The following SBF2 variants were observed in gnomAD, a reference collection of about 807,000 sequenced individuals.
The protein encoded by SBF2 is myotubularin-related protein 13.
In SBF2, 112 loss-of-function variants were observed where a neutral mutation model predicts 225.2. The observed-to-expected ratio is 0.50, with a 90% CI of 0.43 to 0.58. SBF2 has a LOEUF of 0.58. Ranked by LOEUF, SBF2 falls within the 20% of genes least tolerant of loss-of-function variation. The pLI is 0.00. For synonymous variants in SBF2, 763 were observed against 773.3 expected (o/e 0.99, Z 0.22); for missense variants, 1,996 against 2,206.2 (o/e 0.90, Z 1.91).
At chr11:10,100,326 T>G (rs1193685072) in intron 2 of SBF2, among the ~76,000 whole-genome samples, 1 of 152,176 alleles carries the variant, frequency 6.6e-6, no homozygotes, top group African/African-American at 2.4e-5. Context: ...AGTTACAAAT[T>G]TGGAGGCTCG....
intron 6 of SBF2, among the ~76,000 whole-genome samples, chr11:10,018,951 C>T (rs201159766): frequency 6.6e-6 from 1 of 152,094 alleles, no homozygotes; most frequent in African/African-American, 2.4e-5. Flanking sequence ...GCTAAATATG[C>T]TTCTTCTTCT....
chr11:10,055,241 T>G (rs1012706966), intron 2 of SBF2, among the ~76,000 whole-genome samples: 1 of 152,060 alleles, frequency 6.6e-6, no homozygotes, highest in Non-Finnish European at 1.5e-5. Flanking sequence ...ACAAAAGATG[T>G]TGGCATGGAT....
intron 1 of SBF2, among the ~76,000 whole-genome samples, chr11:10,232,439 A>C (rs1241888168): frequency 1.3e-5 from 2 of 152,188 alleles, no homozygotes; most frequent in Non-Finnish European, 2.9e-5. Flanking sequence ...CTATTCGGCC[A>C]TCTTGGCTCC....
intron 17 of SBF2, among the ~76,000 whole-genome samples, chr11:9,871,784 C>T (rs1000336924): frequency 1.2e-4 from 18 of 152,050 alleles, no homozygotes; most frequent in African/African-American, 4.1e-4. Flanking sequence ...AGCCACCGTG[C>T]CCGGCCAGGA....
chr11:10,116,797 C>T (rs1309212858), intron 2 of SBF2, among the ~76,000 whole-genome samples: 1 of 152,202 alleles, frequency 6.6e-6, no homozygotes, highest in East Asian at 1.9e-4. Flanking sequence ...AAAAACCCTG[C>T]CTAGCCTTCA....
At chr11:10,121,664 T>C (rs1245704088) in intron 2 of SBF2, among the ~76,000 whole-genome samples, 2 of 152,250 alleles carry the variant, frequency 1.3e-5, no homozygotes, top group East Asian at 3.8e-4. Flanking sequence ...AAATATGCTT[T>C]TGTACAAGCC....
chr11:10,290,412 C>G (rs1057470196), intron 1 of SBF2, among the ~76,000 whole-genome samples: 3 of 152,024 alleles, frequency 2.0e-5, no homozygotes, highest in Non-Finnish European at 2.9e-5. Context: ...GTGTCAGAGT[C>G]TGAGTGGGGT....
chr11:10,028,424 G>A (rs747425904), intron 6 of SBF2, 28 bp downstream of exon 6: 1 of 1,329,348 alleles, frequency 7.5e-7, no homozygotes, highest in South Asian at 1.2e-5. Flanking sequence ...TCTACAAGAT[G>A]ACATTGAAAA....
intron 2 of SBF2, among the ~76,000 whole-genome samples, chr11:10,103,378 T>A (rs1040591743): frequency 6.6e-6 from 1 of 152,194 alleles, no homozygotes; most frequent in Non-Finnish European, 1.5e-5. Context: ...AAATATGAAA[T>A]GGTGTTTGGC....
intron 30 of SBF2, 141 bp from the exon 31 acceptor site, chr11:9,809,143 C>T: frequency 1.6e-6 from 1 of 639,150 alleles, no homozygotes; most frequent in Non-Finnish European, 2.9e-6. Context: ...GTTTTAAATA[C>T]CTAAAGTTCT....
chr11:10,077,221 T>C (rs924447246), intron 2 of SBF2, among the ~76,000 whole-genome samples: 3 of 152,180 alleles, frequency 2.0e-5, no homozygotes, highest in African/African-American at 7.2e-5. Context: ...AAAATGGCCA[T>C]ACGGCTCAAA....
chr11:9,788,126 G>C (rs558677436), intron 35 of SBF2, among the ~76,000 whole-genome samples: 53 of 152,310 alleles, frequency 3.5e-4, no homozygotes, highest in African/African-American at 1.3e-3. Context: ...GCCAGTCCTT[G>C]ACAGGAGGAA....
rs1280211892 is a variant in SBF2 at position 10,028,506 on chromosome 11, G to A, written c.565C>T (p.His189Tyr). ...GDRQLIQTPL[H>Y]DSLPITGTSV... ...GTGCCCGTGATAGGAAGACTATCAT[G>A]TAAAGGAGTCTGGATCAACTGTCTA... Residue 189 changes from histidine (H) to tyrosine (Y), a missense_variant, in exon 6 of 40, where the codon CAT (histidine) becomes TAT (tyrosine). Coordinates refer to ENST00000256190, the MANE Select transcript of SBF2 (RefSeq NM_030962.4). 6.2e-7 allele frequency: 1 copy of A among 1,613,876 alleles called. No individual in the cohort carries two copies. Among genetic ancestry groups the A allele is most frequent in the Admixed American group, 1.7e-5 (1 of 60,000 alleles).
intron 2 of SBF2, among the ~76,000 whole-genome samples, chr11:10,085,180 C>G (rs1951515797): frequency 6.6e-6 from 1 of 152,186 alleles, no homozygotes; most frequent in Non-Finnish European, 1.5e-5. Flanking sequence ...TTCAGGCTGA[C>G]TTCAAATGTC....
chr11:10,177,197 T>C (rs950005019), intron 2 of SBF2, among the ~76,000 whole-genome samples: 1 of 151,950 alleles, frequency 6.6e-6, no homozygotes, highest in Non-Finnish European at 1.5e-5. Context: ...TATCTCAAAA[T>C]AATAAGAGCT....
chr11:9,992,947 G>A, intron 11 of SBF2, 43 bp downstream of exon 11: 6 of 1,346,294 alleles, frequency 4.5e-6, no homozygotes, highest in Non-Finnish European at 6.3e-6. Context: ...TATTAAATTA[G>A]AATATATTTT....
chr11:10,211,398 CTTCT>C (rs1369409881), intron 1 of SBF2, among the ~76,000 whole-genome samples: 1 of 152,182 alleles, frequency 6.6e-6, no homozygotes. Context: ...AGTTACTGTA[CTTCT>C]TTTTGGTAGC....
At chr11:10,176,322 G>T (rs1329127440) in intron 2 of SBF2, among the ~76,000 whole-genome samples, 1 of 151,104 alleles carries the variant, frequency 6.6e-6, no homozygotes, top group Non-Finnish European at 1.5e-5. Context: ...CTAGCAGAAG[G>T]CAAGAAATAA....
intron 33 of SBF2, among the ~76,000 whole-genome samples, chr11:9,792,943 T>A (rs1278905394): frequency 7.0e-6 from 1 of 142,086 alleles, no homozygotes; most frequent in Non-Finnish European, 1.5e-5. Flanking sequence ...GTGTGTGTTT[T>A]TTTTTTTTTT....
Sources: allele counts gnomAD v4.1 joint callset (sites outside exome capture counted in the v4.1 genomes callset), GRCh38; gene constraint gnomAD v4.1.1; transcripts MANE v1.5; gene names NCBI Gene and HGNC (gene_info 2026-07-23, HGNC 2026-07-21).